LRRC75B: variants seen among roughly 807,000 people sequenced by gnomAD.
LRRC75B encodes the protein leucine-rich repeat-containing protein 75B.
In LRRC75B, 20 loss-of-function variants were observed where a neutral mutation model predicts 16.5. The observed-to-expected ratio is 1.21, with a 90% CI of 0.85 to 1.76. LRRC75B has a LOEUF of 1.76. Among genes scored for constraint, LRRC75B ranks in the 40% most tolerant of loss-of-function variants. The pLI, the probability that LRRC75B is intolerant of heterozygous loss-of-function variation, is 0.00. For missense variants in LRRC75B, 406 were observed against 417.0 expected, an observed-to-expected ratio of 0.97 and a Z score of 0.23; for synonymous variants, 199 against 198.1, an observed-to-expected ratio of 1.00 and a Z score of -0.04.
Position 24,593,046 on chromosome 22 carries a change from C to T in LRRC75B, c.-7G>A. 2 of 1,042,940 alleles carry T rather than the reference C, an allele frequency of 1.9e-6. No individual in the cohort carries two copies. The highest frequency in any genetic ancestry group is 1.2e-6 in the Non-Finnish European group (1 of 868,526). 64.6% of individuals were successfully genotyped at this position (1,042,940 alleles called of 1,614,324 possible). On this transcript the variant is annotated 5_prime_UTR_variant, in exon 1 of 4. Coordinates refer to ENST00000318753, the MANE Select transcript of LRRC75B (RefSeq NM_207644.3). ...GGCCCAGCCGCGCCCCCATGGCCGC[C>T]GCGCGATGGTCGCCGAACCCACAGG... is the stretch of plus-strand genomic sequence containing the variant.
chr22:24,592,964 C>T lies in LRRC75B; in HGVS notation c.76G>A (p.Ala26Thr). ...CACCGCACCCGGCGCTCGTAGGGCG[C>T]GGGCCCGCAGCCGGCCGCCGCCCCG... ...EAGAAAGCGP[A>T]PYERRVRWLR... Residue 26 changes from alanine (A) to threonine (T), a missense_variant, in exon 1 of 4, where the codon GCG becomes ACG. By Grantham distance (58) the Ala-to-Thr change is moderately conservative (BLOSUM62 0). Transcript: ENST00000318753. 8.4e-7 allele frequency: 1 copy of T among 1,189,608 alleles called. No homozygotes were observed. The highest frequency in any genetic ancestry group is 4.5e-5 in the Admixed American group (1 of 22,338). 73.7% of individuals were successfully genotyped at this position (1,189,608 alleles called of 1,614,324 possible).
chr22:24,589,336 T>C (rs1354259328), intron 2 of LRRC75B: 1 of 1,162,606 alleles, frequency 8.6e-7, no homozygotes, highest in African/African-American at 1.7e-5. Flanking sequence ...TGACCCCAGC[T>C]GTTGTAGGGG....
Position 24,588,568 on chromosome 22 carries a change from C to T in LRRC75B, c.307-239G>A, listed in dbSNP as rs915898983. 60 of 831,130 alleles carry T rather than the reference C, an allele frequency of 7.2e-5. No individual in the cohort carries two copies. In the African/African-American group the frequency reaches 7.9e-4, roughly 11 times the overall value. 51.5% of individuals were successfully genotyped at this position (831,130 alleles called of 1,614,324 possible). A position where few individuals can be genotyped will look rare whatever the true frequency, so the allele number is the denominator to read the frequency against. On this transcript the variant is annotated intron_variant, in intron 2 of 3. Transcript: ENST00000318753. ...GCTGGTCCAGTCCCGCAGTGCCCGGCGGGAGGAAGCCCAGACAATGAGCCC... is the reference window on the plus strand; with the variant it reads ...GCTGGTCCAGTCCCGCAGTGCCCGGTGGGAGGAAGCCCAGACAATGAGCCC...
In LRRC75B at chr22:24,592,914, G is replaced by T; in HGVS notation, c.126C>A (p.Leu42=). 1 of 1,277,222 alleles carries T rather than the reference G, an allele frequency of 7.8e-7. No individual in the cohort carries two copies. Among genetic ancestry groups the T allele is most frequent in the South Asian group, 2.4e-5 (1 of 41,804 alleles). The allele number at this position is 1,277,222 out of a possible 1,614,324, so 79.1% of individuals were successfully genotyped here. A position where few individuals can be genotyped will look rare whatever the true frequency, so the allele number is the denominator to read the frequency against. Residue 42 remains leucine, a synonymous_variant, in exon 1 of 4, where the codon CTC becomes CTA. Coordinates refer to ENST00000318753, the MANE Select transcript of LRRC75B (RefSeq NM_207644.3). ...VRWLREIQST[L]RERRPERARQ... is the part of the protein sequence containing the mutation. ...GGGCGCGCTCCGGCCGCCGCTCGCG[G>T]AGCGTGGACTGGATCTCGCGGAGCC...
rs1253801855 is a variant in LRRC75B at position 24,589,437 on chromosome 22, G to C, written c.306+384C>G. ...TCTAGCCGAGAGCGGCTCTCTTCTGGCCCAGGAATTCAGAGGCTAGGAGTT... is the reference window on the plus strand; with the variant it reads ...TCTAGCCGAGAGCGGCTCTCTTCTGCCCCAGGAATTCAGAGGCTAGGAGTT... On this transcript the variant is annotated intron_variant, in intron 2 of 3. Coordinates refer to ENST00000318753, the MANE Select transcript of LRRC75B (RefSeq NM_207644.3). 5 of 932,296 alleles carry C rather than the reference G, an allele frequency of 5.4e-6. No homozygotes were observed. In the African/African-American group the frequency reaches 9.0e-5, roughly 17 times the overall value. 57.8% of individuals were successfully genotyped at this position (932,296 alleles called of 1,614,324 possible). A position where few individuals can be genotyped will look rare whatever the true frequency, so the allele number is the denominator to read the frequency against.
At chr22:24,591,466 A>G (rs971398992) in intron 1 of LRRC75B, among the ~76,000 whole-genome samples, 1 of 152,136 alleles carries the variant, frequency 6.6e-6, no homozygotes, top group Non-Finnish European at 1.5e-5. Flanking sequence ...GCCTTCTCCA[A>G]TCCATAGGTG....
intron 2 of LRRC75B, chr22:24,589,132 C>T (rs569621322): frequency 4.4e-6 from 5 of 1,132,062 alleles, no homozygotes; most frequent in South Asian, 3.7e-5. Context: ...AGAGCGGATA[C>T]CCTGGTTTTG....
chr22:24,586,445 C>G, intron 3 of LRRC75B, 34 bp from the exon 4 acceptor site: 2 of 1,581,312 alleles, frequency 1.3e-6, no homozygotes, highest in Non-Finnish European at 1.7e-6. Context: ...ATGGACTAGG[C>G]AACCAGGCAG....
rs368260266 is a variant in LRRC75B, at chr22:24,585,966, C to T, written c.868G>A (p.Gly290Arg). Residue 290 changes from glycine to arginine, a missense_variant, in exon 4 of 4, where the codon GGG becomes AGG. Gly to Arg is a moderately radical substitution (Grantham distance 125). Coordinates refer to ENST00000318753, the MANE Select transcript of LRRC75B (RefSeq NM_207644.3). ...LDLEPEGSAAGATTPASTWDS... is the reference protein window; with the variant it reads ...LDLEPEGSAARATTPASTWDS... ...CAGGTGGAGGCAGGGGTGGTGGCCC[C>T]GGCCGCACTGCCCTCAGGCTCAAGG... The T allele has an allele frequency of 5.5e-5, 88 of 1,609,720 alleles. No individual in the cohort carries two copies. Among genetic ancestry groups the T allele is most frequent in the South Asian group, 2.2e-4 (20 of 91,062 alleles).
At chr22:24,592,000 A>T (rs1214397730) in intron 1 of LRRC75B, among the ~76,000 whole-genome samples, 1 of 152,102 alleles carries the variant, frequency 6.6e-6, no homozygotes, top group Non-Finnish European at 1.5e-5. Flanking sequence ...CCCTGGGGTG[A>T]CCACTTCGCT....
Position 24,588,236 on chromosome 22 carries a change from G to T in LRRC75B, c.400C>A (p.Arg134Ser). ...HSKQQQGSSL[R>S]QRKTQSCLKS... ...TACCAGCTCTGGGTCTTCCTCTGGC[G>T]CAGGCTGGACCCTTGCTGCTGCTTC... Residue 134 changes from arginine to serine, a missense_variant, in exon 3 of 4, where the codon CGC becomes AGC. Transcript: ENST00000318753. 6.2e-7 allele frequency: 1 copy of T among 1,613,106 alleles called. No homozygotes were observed. The highest frequency in any genetic ancestry group is 1.1e-5 in the South Asian group (1 of 90,754).
intron 1 of LRRC75B, chr22:24,592,292 G>T: frequency 4.3e-6 from 2 of 468,394 alleles, no homozygotes. Flanking sequence ...GTACTCTAAG[G>T]GCATGAGCCG....
At position 24,587,244 on chromosome 22, in the gene LRRC75B, A is replaced by G. The variant is rs1348500495; in HGVS notation, c.423-833T>C. ...AGAGGGACAGGCCCACAGTAGTGAA[A>G]GGGGAGGTCCTGGGTGTGCAGGCTG... On this transcript the variant is annotated intron_variant, in intron 3 of 3. Coordinates refer to ENST00000318753, the MANE Select transcript of LRRC75B (RefSeq NM_207644.3). Among the ~76,000 whole-genome samples, 3 of 152,198 alleles carry G rather than the reference A, an allele frequency of 2.0e-5. No individual in the cohort carries two copies. The East Asian group carries it at 5.8e-4, about 29-fold the overall frequency.
intron 1 of LRRC75B, 66 bp from the exon 2 acceptor site, chr22:24,590,015 C>CAT: frequency 2.0e-6 from 3 of 1,475,434 alleles, no homozygotes; most frequent in Middle Eastern, 3.6e-4. Flanking sequence ...ACCACCCCAG[C>CAT]CAGCCAGATG....
chr22:24,586,930 C>A (rs937941167), intron 3 of LRRC75B, among the ~76,000 whole-genome samples: 1 of 152,246 alleles, frequency 6.6e-6, no homozygotes, highest in Non-Finnish European at 1.5e-5. Context: ...GGATTAAATG[C>A]ACACACAGTA....
chr22:24,588,169 C>T, intron 3 of LRRC75B, 45 bp downstream of exon 3: 1 of 1,462,246 alleles, frequency 6.8e-7, no homozygotes, highest in South Asian at 1.2e-5. Flanking sequence ...TGAGAAGGGA[C>T]CTTGGAGCAG....
In LRRC75B at chr22:24,592,843, C is replaced by A; in HGVS notation, c.177+20G>T. The A allele has an allele frequency of 3.9e-6, 5 of 1,274,694 alleles. No individual in the cohort carries two copies. The highest frequency in any genetic ancestry group is 5.0e-6 in the Non-Finnish European group (5 of 1,009,712). 79.0% of individuals were successfully genotyped at this position (1,274,694 alleles called of 1,614,324 possible). ...CCCTCCCTGGCCGCCAGCCCAGGGG[C>A]GGACGGCTCCTTCTCTCGCCTGGCG... On this transcript the variant is annotated intron_variant, in intron 1 of 3. Transcript: ENST00000318753.
chr22:24,588,195 G>C lies in LRRC75B; in HGVS notation c.422+19C>G, dbSNP rs557123433. ...CTTGGAGCAGCAGTGAGGAGGGGCA[G>C]TGGCTGGGCTACCCTTACCAGCTCT... On this transcript the variant is annotated intron_variant, in intron 3 of 3. Transcript: ENST00000318753. The C allele has an allele frequency of 6.3e-6, 10 of 1,585,264 alleles. No homozygotes were observed. In the African/African-American group the frequency reaches 1.2e-4, roughly 19 times the overall value.
At chr22:24,589,703 C>A in intron 2 of LRRC75B, 118 bp downstream of exon 2, 1 of 1,216,288 alleles carries the variant, frequency 8.2e-7, no homozygotes, top group Non-Finnish European at 1.1e-6. Flanking sequence ...CAGTGACTTG[C>A]CTAAGGCCAC....
Sources: allele counts gnomAD v4.1 joint callset (sites outside exome capture counted in the v4.1 genomes callset), GRCh38; gene constraint gnomAD v4.1.1; transcripts MANE v1.5; gene names NCBI Gene and HGNC (gene_info 2026-07-23, HGNC 2026-07-21).